KCNS1: variants seen among roughly 807,000 people sequenced by gnomAD.
KCNS1 encodes potassium voltage-gated channel modifier subfamily S member 1, also known as delayed-rectifier potassium channel regulatory subunit KCNS1.
A neutral mutation model predicts 33.1 loss-of-function variants in KCNS1; 26 were observed. The observed-to-expected ratio is 0.79, with a 90% CI of 0.58 to 1.09. The LOEUF is 1.09. Among genes scored for constraint, KCNS1 ranks in the 50% least tolerant of loss-of-function variants. The probability of loss-of-function intolerance (pLI) is 0.00; values close to 1 mark genes in which losing one functional copy is unlikely to be tolerated. For synonymous variants in KCNS1, 299 were observed against 338.8 expected (o/e 0.88, Z 1.29); for missense variants, 702 against 752.4 (o/e 0.93, Z 0.78).
chr20:45,096,754 T>C (rs558728165), intron 3 of KCNS1, among the ~76,000 whole-genome samples: 21 of 152,256 alleles, frequency 1.4e-4, no homozygotes, highest in African/African-American at 5.1e-4. Context: ...AACCCTTACC[T>C]CTGTTTAAAC....
rs1981085809 is a variant in KCNS1, at chr20:45,093,934, C to T, written c.*936G>A. 6.6e-6 allele frequency: 1 copy of T among 152,312 alleles called. No individual in the cohort carries two copies. The highest frequency in any genetic ancestry group is 2.4e-5 in the African/African-American group (1 of 41,532). The allele number at this position is 152,312 out of a possible 1,614,324, so 9.4% of individuals were successfully genotyped here. A position where few individuals can be genotyped will look rare whatever the true frequency, so the allele number is the denominator to read the frequency against. ...CTCTGCTCTCCTTGGCTTTCATTGCCCTCTGGGTCACAGATTCTGACCATT... is the reference window on the plus strand; with the variant it reads ...CTCTGCTCTCCTTGGCTTTCATTGCTCTCTGGGTCACAGATTCTGACCATT... On this transcript the variant is annotated 3_prime_UTR_variant, in exon 4 of 4. Transcript: ENST00000537075.
rs919913431 is a variant in KCNS1 at position 45,093,855 on chromosome 20, A to G, written c.*1015T>C. ...GAGGGTCTTAGAAGCCAGTATTCAT[A>G]TATGTCAGCCCTCTGAACATTTCAG... On this transcript the variant is annotated 3_prime_UTR_variant, in exon 4 of 4. Transcript: ENST00000537075. 6.6e-6 allele frequency: 1 copy of G among 152,248 alleles called. No homozygotes were observed. Among genetic ancestry groups the G allele is most frequent in the African/African-American group, 2.4e-5 (1 of 41,458 alleles). 9.4% of individuals were successfully genotyped at this position (152,248 alleles called of 1,614,324 possible). A position where few individuals can be genotyped will look rare whatever the true frequency, so the allele number is the denominator to read the frequency against.
chr20:45,092,742 T>G lies in KCNS1; in HGVS notation c.*2128A>C, dbSNP rs34475883. ...TAGGCCCTGTGTATGACACACACCT[T>G]CACACATGCCATTCTCTCTGCTTGG... On this transcript the variant is annotated 3_prime_UTR_variant, in exon 4 of 4. Coordinates refer to ENST00000537075, the MANE Select transcript of KCNS1 (RefSeq NM_001322799.2). The G allele has an allele frequency of 6.6e-6, 1 of 151,834 alleles. No individual in the cohort carries two copies. The highest frequency in any genetic ancestry group is 2.4e-5 in the African/African-American group (1 of 41,324). The allele number at this position is 151,834 out of a possible 1,614,324, so 9.4% of individuals were successfully genotyped here. A position where few individuals can be genotyped will look rare whatever the true frequency, so the allele number is the denominator to read the frequency against.
At chr20:45,095,449 A>G in intron 3 of KCNS1, 109 bp from the exon 4 acceptor site, 6 of 963,406 alleles carry the variant, frequency 6.2e-6, no homozygotes, top group Non-Finnish European at 7.5e-6. Context: ...GTCCAAAGTC[A>G]GCAAGATAGA....
chr20:45,091,306 CAA>C lies in KCNS1; in HGVS notation c.*3562_*3563del, dbSNP rs1057011503. ...ACGGTACCTTGCCCTCCATCCCTCC[CAA>C]GAGAGAGGCATATGACTCAAGTGAA... On this transcript the variant is annotated 3_prime_UTR_variant, in exon 4 of 4. Transcript: ENST00000537075. Among the ~76,000 whole-genome samples, 2 of 152,184 alleles carry C rather than the reference CAA, an allele frequency of 1.3e-5. No homozygotes were observed. Among genetic ancestry groups the C allele is most frequent in the Non-Finnish European group, 2.9e-5 (2 of 68,042 alleles).
intron 3 of KCNS1, among the ~76,000 whole-genome samples, chr20:45,096,816 A>G (rs960917940): frequency 2.0e-5 from 3 of 152,200 alleles, no homozygotes; most frequent in African/African-American, 7.2e-5. Flanking sequence ...TCATGTGCCA[A>G]GACTTCATGA....
Position 45,098,135 on chromosome 20 carries a change from G to T in KCNS1, c.637C>A (p.Pro213Thr), listed in dbSNP as rs779360976. The T allele has an allele frequency of 8.7e-6, 14 of 1,605,322 alleles. No homozygotes were observed. The highest frequency in any genetic ancestry group is 1.2e-5 in the Non-Finnish European group (14 of 1,176,934). The change falls in exon 3 of 4, where the codon CCG becomes ACG. Residue 213 changes from proline (P) to threonine (T), a missense_variant. Pro to Thr is a conservative substitution (Grantham distance 38). Around this residue, in one of 3 missense-constraint regions of KCNS1, gnomAD observed 374 missense variants for 352.3 expected, o/e 1.06. Coordinates refer to ENST00000537075, the MANE Select transcript of KCNS1 (RefSeq NM_001322799.2). The surrounding 1 kb of genome is among the most constrained non-coding windows in gnomAD (Gnocchi z 5.2). The stretch of plus-strand genomic sequence containing the variant: ...AGCTTGCTCGGCAGCGAGTAGCCCG[G>T]GTTCTCCATGGTCAGCCAGAGGCGG... ...RRRLWLTMEN[P>T]GYSLPSKLFS...
At position 45,097,903 on chromosome 20, in the gene KCNS1, C is replaced by T. The variant is rs756918826; in HGVS notation, c.869G>A (p.Arg290His). 1.2e-6 allele frequency: 2 copies of T among 1,606,606 alleles called. No individual in the cohort carries two copies. The highest frequency in any genetic ancestry group is 2.2e-5 in the East Asian group (1 of 44,516). ...GCGCGTACTGGGCGCCAGCAGGAGGCGCGACGACACCTCGAAGCTGAACCA... is the reference window on the plus strand; with the variant it reads ...GCGCGTACTGGGCGCCAGCAGGAGGTGCGACGACACCTCGAAGCTGAACCA... ...IAWFSFEVSSRLLLAPSTRNF... is the reference protein window; with the variant it reads ...IAWFSFEVSSHLLLAPSTRNF... The change falls in exon 3 of 4, where the codon CGC becomes CAC. Residue 290 changes from arginine to histidine, a missense_variant. Arg to His is a conservative substitution (Grantham distance 29). This residue lies in a region of KCNS1 where 253 missense variants were observed against 327.4 expected (regional missense o/e 0.77). Transcript: ENST00000537075.
Position 45,093,229 on chromosome 20 carries a change from T to C in KCNS1, c.*1641A>G, listed in dbSNP as rs1981058976. On this transcript the variant is annotated 3_prime_UTR_variant, in exon 4 of 4. Coordinates refer to ENST00000537075, the MANE Select transcript of KCNS1 (RefSeq NM_001322799.2). The stretch of plus-strand genomic sequence containing the variant: ...CTGCAGGCCACACATGAAGCCCCAG[T>C]TTAAGACTCTTCCAACGGGTATTTG... The C allele has an allele frequency of 6.6e-6, 1 of 152,004 alleles. No individual in the cohort carries two copies. The allele number at this position is 152,004 out of a possible 1,614,324, so 9.4% of individuals were successfully genotyped here. A position where few individuals can be genotyped will look rare whatever the true frequency, so the allele number is the denominator to read the frequency against.
chr20:45,098,010 C>T lies in KCNS1; in HGVS notation c.762G>A (p.Val254=), dbSNP rs1981250609. 1 of 1,510,556 alleles carries T rather than the reference C, an allele frequency of 6.6e-7. No individual in the cohort carries two copies. The highest frequency in any genetic ancestry group is 8.8e-7 in the Non-Finnish European group (1 of 1,133,746). 93.6% of individuals were successfully genotyped at this position (1,510,556 alleles called of 1,614,324 possible). ...GGCTGCGGCCCGCGGCCACCGCAGC[C>T]ACGGCGGCCGCCGCCTCGCGGGCCT... ...EYQAREAAAA[V]AAVAAGRSPE... Residue 254 remains valine, a synonymous_variant, in exon 3 of 4, where the codon GTG becomes GTA. Coordinates refer to ENST00000537075, the MANE Select transcript of KCNS1 (RefSeq NM_001322799.2). This position sits in a 1 kb window ranked among gnomAD's most constrained non-coding sequence, Gnocchi z 5.2.
At position 45,094,539 on chromosome 20, in the gene KCNS1, T is replaced by G; in HGVS notation, c.*331A>C. On this transcript the variant is annotated 3_prime_UTR_variant, in exon 4 of 4. Coordinates refer to ENST00000537075, the MANE Select transcript of KCNS1 (RefSeq NM_001322799.2). ...ATCTGTGAAGTGGGGATAATTCTCT[T>G]TCTCCAACACAAGGCCAAACATGAC... The G allele has an allele frequency of 6.6e-5, 15 of 225,952 alleles. No homozygotes were observed. Among genetic ancestry groups the G allele is most frequent in the South Asian group, 2.0e-4 (2 of 9,774 alleles). 14.0% of individuals were successfully genotyped at this position (225,952 alleles called of 1,614,324 possible).
At position 45,094,883 on chromosome 20, in the gene KCNS1, G is replaced by T. The variant is rs1478241256; in HGVS notation, c.1568C>A (p.Pro523His). The T allele has an allele frequency of 1.2e-6, 2 of 1,611,862 alleles. No homozygotes were observed. The highest frequency in any genetic ancestry group is 1.7e-4 in the Middle Eastern group (1 of 6,040). ...GGATCCCTGGTTTTAATACATCTGA[G>T]GGTGTGGAGGCTCACTGGGGGCCTG... is the stretch of plus-strand genomic sequence containing the variant. The part of the protein sequence containing the change: ...ESQAPSEPPH[P>H]QMY Residue 523 changes from proline (P) to histidine (H), a missense_variant, in exon 4 of 4, where the codon CCT (proline) becomes CAT (histidine). Physicochemically the swap from Pro to His is moderately conservative, Grantham distance 77. This residue lies in a region of KCNS1 where 75 missense variants were observed against 72.7 expected (regional missense o/e 1.03). Coordinates refer to ENST00000537075, the MANE Select transcript of KCNS1 (RefSeq NM_001322799.2).
At position 45,097,642 on chromosome 20, in the gene KCNS1, C is replaced by A. The variant is rs1600600479; in HGVS notation, c.1110+20G>T. ...CTACACCCGCCCACCCCAGCTCCAA[C>A]CTGGCCTCAGAGGCCGTACCTTGAG... On this transcript the variant is annotated intron_variant, in intron 3 of 3. Transcript: ENST00000537075. 3 of 1,587,972 alleles carry A rather than the reference C, an allele frequency of 1.9e-6. No individual in the cohort carries two copies. Among genetic ancestry groups the A allele is most frequent in the Non-Finnish European group, 2.6e-6 (3 of 1,171,712 alleles).
rs1042886561 is a variant in KCNS1, at chr20:45,091,290, T to G, written c.*3580A>C. Reference sequence around the variant, plus strand: ...TGCCGCAAATACTAATACGGTACCTTGCCCTCCATCCCTCCCAAGAGAGAG... The same window carrying G: ...TGCCGCAAATACTAATACGGTACCTGGCCCTCCATCCCTCCCAAGAGAGAG... On this transcript the variant is annotated 3_prime_UTR_variant, in exon 4 of 4. Coordinates refer to ENST00000537075, the MANE Select transcript of KCNS1 (RefSeq NM_001322799.2). Among the ~76,000 whole-genome samples the G allele has an allele frequency of 6.6e-6, 1 of 152,206 alleles. No individual in the cohort carries two copies. Among genetic ancestry groups the G allele is most frequent in the Non-Finnish European group, 1.5e-5 (1 of 68,016 alleles).
In KCNS1 at chr20:45,098,239, T is replaced by G. The variant is rs971091515; in HGVS notation, c.533A>C (p.Asp178Ala). The change falls in exon 3 of 4, where the codon GAC (aspartate) becomes GCC (alanine). Residue 178 changes from aspartate (D) to alanine (A), a missense_variant. Physicochemically the swap from Asp to Ala is moderately radical, Grantham distance 126. Coordinates refer to ENST00000537075, the MANE Select transcript of KCNS1 (RefSeq NM_001322799.2). This position sits in a 1 kb window ranked among gnomAD's most constrained non-coding sequence, Gnocchi z 5.2. ...DEDSDTPSSVDPCPDEISDVQ... is the reference protein window; with the variant it reads ...DEDSDTPSSVAPCPDEISDVQ... ...GTCGGAGATCTCGTCGGGGCACGGG[T>G]CCACGCTGCTCGGCGTGTCGCTGTC... is the stretch of plus-strand genomic sequence containing the variant. 3.7e-6 allele frequency: 6 copies of G among 1,601,200 alleles called. No homozygotes were observed. The highest frequency in any genetic ancestry group is 2.3e-5 in the East Asian group (1 of 44,336).
In KCNS1 at chr20:45,094,971, C is replaced by T. The variant is rs147790004; in HGVS notation, c.1480G>A (p.Glu494Lys). 124 of 1,613,750 alleles carry T rather than the reference C, an allele frequency of 7.7e-5. No individual in the cohort carries two copies. The Middle Eastern group carries it at 1.2e-3, about 15-fold the overall frequency. ...TCTCGGGATGTCTCCAGAGATGCCT[C>T]CGACACCCCATCAATGCTGCTCAGC... ...DLLSSIDGVSEASLETSRETS... is the reference protein window; with the variant it reads ...DLLSSIDGVSKASLETSRETS... The change falls in exon 4 of 4, where the codon GAG becomes AAG. Residue 494 changes from glutamate to lysine, a missense_variant. Physicochemically the swap from Glu to Lys is moderately conservative, Grantham distance 56 (BLOSUM62 1). Coordinates refer to ENST00000537075, the MANE Select transcript of KCNS1 (RefSeq NM_001322799.2).
Position 45,094,768 on chromosome 20 carries a change from G to A in KCNS1, c.*102C>T, listed in dbSNP as rs1981118354. 2.1e-6 allele frequency: 2 copies of A among 941,130 alleles called. No homozygotes were observed. Among genetic ancestry groups the A allele is most frequent in the East Asian group, 2.4e-5 (1 of 41,580 alleles). 58.3% of individuals were successfully genotyped at this position (941,130 alleles called of 1,614,324 possible). A position where few individuals can be genotyped will look rare whatever the true frequency, so the allele number is the denominator to read the frequency against. On this transcript the variant is annotated 3_prime_UTR_variant, in exon 4 of 4. Coordinates refer to ENST00000537075, the MANE Select transcript of KCNS1 (RefSeq NM_001322799.2). The stretch of plus-strand genomic sequence containing the variant: ...TGCAGCTTTTGAATCTCATTTCTCA[G>A]GACAGCATGAGTGATCCTGGGAGGC...
rs924547755 is a variant in KCNS1, at chr20:45,098,088, G to A, written c.684C>T (p.Ser228=). ...PSKLFSCVSI[S]VVLASIAAMC... The stretch of plus-strand genomic sequence containing the variant: ...TGGCGGCGATGGAGGCGAGCACCAC[G>A]CTGATGGAGACGCAGCTGAAGAGCT... Residue 228 remains serine, a synonymous_variant, in exon 3 of 4, where the codon AGC becomes AGT. Transcript: ENST00000537075. The surrounding 1 kb of genome is among the most constrained non-coding windows in gnomAD (Gnocchi z 5.2). 9 of 1,572,010 alleles carry A rather than the reference G, an allele frequency of 5.7e-6. No individual in the cohort carries two copies. The highest frequency in any genetic ancestry group is 6.9e-6 in the Non-Finnish European group (8 of 1,159,702).
In KCNS1 at chr20:45,099,194, G is replaced by A. The variant is rs1001268351; in HGVS notation, c.43C>T (p.Arg15Trp). The A allele has an allele frequency of 4.5e-6, 7 of 1,550,830 alleles. No individual in the cohort carries two copies. Among genetic ancestry groups the A allele is most frequent in the African/African-American group, 2.7e-5 (2 of 73,004 alleles). The change falls in exon 2 of 4, where the codon CGG (arginine) becomes TGG (tryptophan). Residue 15 changes from arginine to tryptophan, a missense_variant. Arg to Trp is a moderately radical substitution (Grantham distance 101). Transcript: ENST00000537075. ...LVRGTHYENL[R>W]SKVVLPTPLG... Reference sequence around the variant, plus strand: ...GGTGTTGGCAGCACCACTTTAGACCGGAGGTTCTCATAGTGTGTTCCCCGG... The same window carrying A: ...GGTGTTGGCAGCACCACTTTAGACCAGAGGTTCTCATAGTGTGTTCCCCGG...
Sources: gnomAD v4.1 joint callset for allele counts (sites outside exome capture counted in the v4.1 genomes callset) on GRCh38, gnomAD v4.1.1 for gene constraint, gnomAD v4.1.1 regional missense constraint, Gnocchi (gnomAD v3.1) non-coding constraint, MANE v1.5 for transcripts, NCBI Gene and HGNC (gene_info 2026-07-23, HGNC 2026-07-21) for gene names.